RP1L1: variants seen among roughly 807,000 people sequenced by gnomAD.
RP1L1 encodes the protein RP1 like 1, also known as retinitis pigmentosa 1-like 1 protein.
A neutral mutation model predicts 15.7 loss-of-function variants in RP1L1; 27 were observed. The observed-to-expected ratio is 1.72, with a 90% confidence interval of 1.27 to 2.38. The LOEUF is 2.38. RP1L1 is among the 30% of genes most tolerant of loss of function. The probability of loss-of-function intolerance (pLI) is 0.00; values close to 1 mark genes in which losing one functional copy is unlikely to be tolerated. For synonymous variants in RP1L1, 1,813 were observed against 1,276.7 expected (o/e 1.42, Z -8.96); for missense variants, 4,798 against 3,075.9 (o/e 1.56, Z -13.24).
chr8:10,639,599 C>T (rs1277726483), intron 1 of RP1L1, among the ~76,000 whole-genome samples: 3 of 152,136 alleles, frequency 2.0e-5, no homozygotes, highest in Non-Finnish European at 4.4e-5. Flanking sequence ...GTCTTCAACA[C>T]CTGACCCTGA....
chr8:10,619,523 G>C (rs1035131220), intron 2 of RP1L1, among the ~76,000 whole-genome samples: 2 of 152,124 alleles, frequency 1.3e-5, no homozygotes, highest in African/African-American at 4.8e-5. Flanking sequence ...CTGACAGGTT[G>C]GTTTGTGACA....
chr8:10,608,750 G>T lies in RP1L1; in HGVS notation c.5348C>A (p.Ala1783Glu), dbSNP rs374403002. 1 of 1,614,006 alleles carries T rather than the reference G, an allele frequency of 6.2e-7. No individual in the cohort carries two copies. Among genetic ancestry groups the T allele is most frequent in the Non-Finnish European group, 8.5e-7 (1 of 1,180,038 alleles). The change falls in exon 4 of 4, where the codon GCG becomes GAG. Residue 1783 changes from alanine to glutamate, a missense_variant. By Grantham distance (107) the Ala-to-Glu change is moderately radical. Coordinates refer to ENST00000382483, the MANE Select transcript of RP1L1 (RefSeq NM_178857.6). ...CTCAGCTTCCCCCAACTCACTGCCCGCACTGGTTTCACTGTTGTGGGTTTT... is the reference window on the plus strand; with the variant it reads ...CTCAGCTTCCCCCAACTCACTGCCCTCACTGGTTTCACTGTTGTGGGTTTT... ...EGKTHNSETS[A>E]GSELGEAEQE...
rs776281169 is a variant in RP1L1, at chr8:10,610,393, G to A, written c.3705C>T (p.Ser1235=). ...AAGTTCTTGAATCAGGCCTCTGGTT[G>A]GAGGTTTTCAGGGGCAGCTCTGTCC... ...TQGTELPLKT[S]NQRPDSRTYE... Residue 1235 remains serine, a synonymous_variant, in exon 4 of 4, where the codon TCC becomes TCT. Transcript: ENST00000382483. The A allele has an allele frequency of 1.9e-6, 3 of 1,614,058 alleles. No homozygotes were observed. The East Asian group carries it at 6.7e-5, about 36-fold the overall frequency.
rs765708710 is a variant in RP1L1, at chr8:10,623,162, G to A, written c.40C>T (p.Arg14Cys). The A allele has an allele frequency of 8.7e-5, 138 of 1,587,504 alleles. 1 individual carries two copies. The highest frequency in any genetic ancestry group is 4.2e-4 in the South Asian group (36 of 85,806). Residue 14 changes from arginine to cysteine, a missense_variant, in exon 2 of 4, where the codon CGT (arginine) becomes TGT (cysteine). Physicochemically the swap from Arg to Cys is radical, Grantham distance 180 (BLOSUM62 -3). Coordinates refer to ENST00000382483, the MANE Select transcript of RP1L1 (RefSeq NM_178857.6). Reference sequence around the variant, plus strand: ...GCCACAGAGGGCAGGAAGCACTCACGGTGGCTCGGGGCCTGGGCATTCCTG... The same window carrying A: ...GCCACAGAGGGCAGGAAGCACTCACAGTGGCTCGGGGCCTGGGCATTCCTG... Reference protein sequence around the residue: ...TPRNAQAPSHRECFLPSVART... With the variant: ...TPRNAQAPSHCECFLPSVART...
chr8:10,608,050 G>C lies in RP1L1; in HGVS notation c.6048C>G (p.Ala2016=). ...EGEMQEAEEE[A]QPESDGVEAQ... Reference sequence around the variant, plus strand: ...CCTCTACACCGTCTGACTCTGGCTGGGCCTCCTCTTCTGCCTCTTGCATCT... The same window carrying C: ...CCTCTACACCGTCTGACTCTGGCTGCGCCTCCTCTTCTGCCTCTTGCATCT... Residue 2016 remains alanine, a synonymous_variant, in exon 4 of 4, where the codon GCC becomes GCG. Transcript: ENST00000382483. The C allele has an allele frequency of 6.2e-7, 1 of 1,601,936 alleles. No homozygotes were observed. The highest frequency in any genetic ancestry group is 8.5e-7 in the Non-Finnish European group (1 of 1,177,366).
rs751400047 is a variant in RP1L1, at chr8:10,609,146, G to C, written c.4952C>G (p.Ala1651Gly). 2 of 1,613,372 alleles carry C rather than the reference G, an allele frequency of 1.2e-6. No individual in the cohort carries two copies. The highest frequency in any genetic ancestry group is 2.2e-5 in the East Asian group (1 of 44,860). The change falls in exon 4 of 4, where the codon GCG (alanine) becomes GGG (glycine). Residue 1651 changes from alanine to glycine, a missense_variant. Ala to Gly is a moderately conservative substitution (Grantham distance 60, BLOSUM62 0). Transcript: ENST00000382483. ...GCAGGGACAGAACTCCTCCCCCTCCGCCTCCTCGCCCAGCTGGCTCCCCAG... is the reference window on the plus strand; with the variant it reads ...GCAGGGACAGAACTCCTCCCCCTCCCCCTCCTCGCCCAGCTGGCTCCCCAG... ...TALGSQLGEE[A>G]EGEEFCPCEA...
In RP1L1 at chr8:10,609,613, G is replaced by C. The variant is rs1356789242; in HGVS notation, c.4485C>G (p.Pro1495=). The change falls in exon 4 of 4, where the codon CCC becomes CCG. Residue 1495 remains proline (P), a synonymous_variant. Transcript: ENST00000382483. ...AGCTCCTCTCTGCAGCCCCCTGGGT[G>C]GGTTGGGCCTGCGTGTGCTCTTGGC... ...MMGQEHTQAQ[P]TQGAAERSSS... 4.4e-6 allele frequency: 7 copies of C among 1,607,348 alleles called. No homozygotes were observed. In the East Asian group the frequency reaches 1.6e-4, roughly 36 times the overall value.
At chr8:10,646,582 G>A (rs1406336134) in intron 1 of RP1L1, among the ~76,000 whole-genome samples, 3 of 152,062 alleles carry the variant, frequency 2.0e-5, no homozygotes, top group South Asian at 2.1e-4. Context: ...TAACACTTCC[G>A]CTTGGCCCTC....
At chr8:10,624,129 T>C (rs1436453267) in intron 1 of RP1L1, among the ~76,000 whole-genome samples, 2 of 152,210 alleles carry the variant, frequency 1.3e-5, no homozygotes. Flanking sequence ...GGAAGAGGCA[T>C]CACCTTCCAG....
intron 1 of RP1L1, among the ~76,000 whole-genome samples, chr8:10,630,876 G>A (rs1434105383): frequency 6.6e-6 from 1 of 152,248 alleles, no homozygotes; most frequent in African/African-American, 2.4e-5. Flanking sequence ...ATTCATAAGA[G>A]ACTGGTCATC....
chr8:10,611,922 A>T lies in RP1L1; in HGVS notation c.2176T>A (p.Ser726Thr). The change falls in exon 4 of 4, where the codon TCT (serine) becomes ACT (threonine). Residue 726 changes from serine (S) to threonine (T), a missense_variant. Transcript: ENST00000382483. ...SGNLRPPSSGSLPSQDLLGTS... is the reference protein window; with the variant it reads ...SGNLRPPSSGTLPSQDLLGTS... ...CCCAGAAGGTCCTGGGAAGGAAGAGAGCCCGAGGAGGGAGGTCTCAGGTTC... is the reference window on the plus strand; with the variant it reads ...CCCAGAAGGTCCTGGGAAGGAAGAGTGCCCGAGGAGGGAGGTCTCAGGTTC... The T allele has an allele frequency of 3.7e-6, 6 of 1,613,862 alleles. No individual in the cohort carries two copies. Among genetic ancestry groups the T allele is most frequent in the Non-Finnish European group, 5.1e-6 (6 of 1,180,020 alleles).
At position 10,606,907 on chromosome 8, in the gene RP1L1, G is replaced by A; in HGVS notation, c.7191C>T (p.Asp2397=). The change falls in exon 4 of 4, where the codon GAC becomes GAT. Residue 2397 remains aspartate, a synonymous_variant. Transcript: ENST00000382483. ...VGRADGFGQD[D]LDF Reference sequence around the variant, plus strand: ...AGCTTGATCTTGTCTAGAAATCTAAGTCATCTTGGCCAAAGCCGTCTGCCC... The same window carrying A: ...AGCTTGATCTTGTCTAGAAATCTAAATCATCTTGGCCAAAGCCGTCTGCCC... 6.2e-7 allele frequency: 1 copy of A among 1,614,214 alleles called. No homozygotes were observed. Among genetic ancestry groups the A allele is most frequent in the Non-Finnish European group, 8.5e-7 (1 of 1,180,042 alleles).
At chr8:10,650,197 C>T (rs1798538226) in intron 1 of RP1L1, among the ~76,000 whole-genome samples, 1 of 152,178 alleles carries the variant, frequency 6.6e-6, no homozygotes, top group Admixed American at 6.5e-5. Flanking sequence ...AAGAGAATCC[C>T]AGAGTCTCTA....
Position 10,621,800 on chromosome 8 carries a change from A to G in RP1L1, c.609+793T>C, listed in dbSNP as rs771556956. 16 of 493,730 alleles carry G rather than the reference A, an allele frequency of 3.2e-5. No homozygotes were observed. The East Asian group carries it at 7.3e-4, about 23-fold the overall frequency. 30.6% of individuals were successfully genotyped at this position (493,730 alleles called of 1,614,324 possible). ...GGAAAGGCAAAAATTACATTCACGC[A>G]TGTCCTTGAACTCAATAATCATAGT... On this transcript the variant is annotated intron_variant, in intron 2 of 3. Transcript: ENST00000382483.
chr8:10,634,960 C>T (rs1216039056), intron 1 of RP1L1, among the ~76,000 whole-genome samples: 1 of 152,230 alleles, frequency 6.6e-6, no homozygotes, highest in Non-Finnish European at 1.5e-5. Flanking sequence ...AATGCATCCA[C>T]CACAACCCTA....
In RP1L1 at chr8:10,622,747, C is replaced by T. The variant is rs200213603; in HGVS notation, c.455G>A (p.Arg152Gln). The T allele has an allele frequency of 4.5e-4, 733 of 1,614,036 alleles. No individual in the cohort carries two copies. Among genetic ancestry groups the T allele is most frequent in the Non-Finnish European group, 5.4e-4 (639 of 1,180,008 alleles). Residue 152 changes from arginine to glutamine, a missense_variant, in exon 2 of 4, where the codon CGG becomes CAG. By Grantham distance (43) the Arg-to-Gln change is conservative (BLOSUM62 1). Coordinates refer to ENST00000382483, the MANE Select transcript of RP1L1 (RefSeq NM_178857.6). ...CATGTTCTTAATCAGCAGTATCCTC[C>T]GGGGGGTTTTAAGACTCTTCCGGGA... ...SSSRKSLKTPRRILLIKNMDP... is the reference protein window; with the variant it reads ...SSSRKSLKTPQRILLIKNMDP...
Position 10,610,382 on chromosome 8 carries a change from G to A in RP1L1, c.3716C>T (p.Pro1239Leu). The change falls in exon 4 of 4, where the codon CCT (proline) becomes CTT (leucine). Residue 1239 changes from proline to leucine, a missense_variant. Coordinates refer to ENST00000382483, the MANE Select transcript of RP1L1 (RefSeq NM_178857.6). ...ELPLKTSNQRPDSRTYESPGD... is the reference protein window; with the variant it reads ...ELPLKTSNQRLDSRTYESPGD... ...TGGGCTCTCATAAGTTCTTGAATCA[G>A]GCCTCTGGTTGGAGGTTTTCAGGGG... 6.2e-7 allele frequency: 1 copy of A among 1,614,088 alleles called. No individual in the cohort carries two copies. Among genetic ancestry groups the A allele is most frequent in the Non-Finnish European group, 8.5e-7 (1 of 1,180,034 alleles).
Position 10,612,957 on chromosome 8 carries a change from C to T in RP1L1, c.1141G>A (p.Val381Met). Residue 381 changes from valine (V) to methionine (M), a missense_variant, in exon 4 of 4, where the codon GTG (valine) becomes ATG (methionine). Physicochemically the swap from Val to Met is conservative, Grantham distance 21. Coordinates refer to ENST00000382483, the MANE Select transcript of RP1L1 (RefSeq NM_178857.6). ...GYPWGFSEPG[V>M]WGPRPCRVGC... is the part of the protein sequence containing the mutation. The stretch of plus-strand genomic sequence containing the variant: ...ACCCTGCAGGGCCGGGGTCCCCACA[C>T]CCCAGGCTCTGAGAAGCCCCAAGGG... The T allele has an allele frequency of 6.2e-7, 1 of 1,613,108 alleles. No individual in the cohort carries two copies. Among genetic ancestry groups the T allele is most frequent in the Non-Finnish European group, 8.5e-7 (1 of 1,179,924 alleles).
At chr8:10,621,919 G>C (rs1798066089) in intron 2 of RP1L1, 1 of 387,008 alleles carries the variant, frequency 2.6e-6, no homozygotes, top group African/African-American at 2.1e-5. Context: ...CAAACATGAA[G>C]CCCTCCAACG....
Sources: gnomAD v4.1 joint callset for allele counts (sites outside exome capture counted in the v4.1 genomes callset) on GRCh38, gnomAD v4.1.1 for gene constraint, MANE v1.5 for transcripts, NCBI Gene and HGNC (gene_info 2026-07-23, HGNC 2026-07-21) for gene names.